The following GREP1 variants were observed in gnomAD, a reference collection of about 807,000 sequenced individuals.
GREP1 encodes glycine-rich extracellular protein 1.
In GREP1 at chr16:2,991,355, G is replaced by T; in HGVS notation, c.322+254G>T. On this transcript the variant is annotated intron_variant, in intron 8 of 34. Coordinates refer to ENST00000573315, the Ensembl canonical transcript of GREP1. The surrounding 1 kb of genome is among the most constrained non-coding windows in gnomAD (Gnocchi z 4.9). Reference sequence around the variant, plus strand: ...CAAGCCTGCCCACCCCACCGCTCATGGCCCTCACCAATGTCTCCCCAGGAT... The same window carrying T: ...CAAGCCTGCCCACCCCACCGCTCATTGCCCTCACCAATGTCTCCCCAGGAT... The T allele has an allele frequency of 2.7e-6, 1 of 370,218 alleles. No homozygotes were observed. The highest frequency in any genetic ancestry group is 4.6e-5 in the Admixed American group (1 of 21,722). 22.9% of individuals were successfully genotyped at this position (370,218 alleles called of 1,614,324 possible). A position where few individuals can be genotyped will look rare whatever the true frequency, so the allele number is the denominator to read the frequency against.
In GREP1 at chr16:2,989,359, T is replaced by G. The variant is rs2072387249; in HGVS notation, c.101-164T>G. 2.5e-6 allele frequency: 1 copy of G among 397,428 alleles called. No homozygotes were observed. The highest frequency in any genetic ancestry group is 2.1e-5 in the African/African-American group (1 of 48,584). 24.6% of individuals were successfully genotyped at this position (397,428 alleles called of 1,614,324 possible). On this transcript the variant is annotated intron_variant, in intron 2 of 34. Coordinates refer to ENST00000573315, the Ensembl canonical transcript of GREP1. The surrounding 1 kb of genome is among the most constrained non-coding windows in gnomAD (Gnocchi z 4.2). The stretch of plus-strand genomic sequence containing the variant: ...AGGTGGCATCCAGATTTGGGCCCCT[T>G]TGTCCCCTTGTAAGTTCCCCTGCTT...
intron 7 of GREP1, 59 bp downstream of exon 6, chr16:2,990,646 C>T (rs1312275214): frequency 2.0e-5 from 8 of 398,978 alleles, no homozygotes; most frequent in Admixed American, 8.8e-5. Context: ...TAATCTTTGC[C>T]TGATACTGTG....
At chr16:2,988,809 G>A (rs1167253661) in intron 2 of GREP1, among the ~76,000 whole-genome samples, 187 bp downstream of exon 2, 1 of 152,170 alleles carries the variant, frequency 6.6e-6, no homozygotes, top group Non-Finnish European at 1.5e-5. Context: ...TGCACTCTCA[G>A]AAGAGTCTCC....
chr16:2,995,364 C>T, intron 14 of GREP1, 48 bp downstream of exon 15: 1 of 398,872 alleles, frequency 2.5e-6, no homozygotes, highest in Admixed American at 4.4e-5. Context: ...TTCAGAGCCC[C>T]CTTCCCCCTC....
At chr16:2,990,848 G>A (rs2072395067) in intron 7 of GREP1, among the ~76,000 whole-genome samples, 200 bp from the exon 7 acceptor site, 1 of 152,176 alleles carries the variant, frequency 6.6e-6, no homozygotes, top group Admixed American at 6.5e-5. Context: ...TGGCTGTGGA[G>A]CAGGGAGCCC....
rs1343226179 is a variant in GREP1, at chr16:2,992,732, G to A, written c.323-73G>A. On this transcript the variant is annotated intron_variant, in intron 8 of 34. Transcript: ENST00000573315. The surrounding 1 kb of genome is among the most constrained non-coding windows in gnomAD (Gnocchi z 4.9). ...AGGGGTCACGCGAGACAGAAAGGGA[G>A]AGGGCAGGGCTCCAGGCCCCAGCTC... 2.5e-6 allele frequency: 1 copy of A among 398,718 alleles called. No homozygotes were observed. The highest frequency in any genetic ancestry group is 4.4e-6 in the Non-Finnish European group (1 of 226,082). 24.7% of individuals were successfully genotyped at this position (398,718 alleles called of 1,614,324 possible). A position where few individuals can be genotyped will look rare whatever the true frequency, so the allele number is the denominator to read the frequency against.
intron 33 of GREP1, among the ~76,000 whole-genome samples, 196 bp downstream of exon 27, chr16:3,001,023 C>A (rs898441239): frequency 3.3e-5 from 5 of 152,058 alleles, no homozygotes; most frequent in Admixed American, 2.0e-4. Context: ...GGAGGAGAGG[C>A]CAGAAGAGCC....
At position 2,989,222 on chromosome 16, in the gene GREP1, C is replaced by A. The variant is rs2072386647; in HGVS notation, c.101-301C>A. On this transcript the variant is annotated intron_variant, in intron 2 of 34. Transcript: ENST00000573315. The surrounding 1 kb of genome is among the most constrained non-coding windows in gnomAD (Gnocchi z 4.2). Reference sequence around the variant, plus strand: ...GTCCCCCAGAGCCCTGGCTCAGACACCTTCCTCCAGGCCCAGGGGCCCTCT... The same window carrying A: ...GTCCCCCAGAGCCCTGGCTCAGACAACTTCCTCCAGGCCCAGGGGCCCTCT... 2 of 362,426 alleles carry A rather than the reference C, an allele frequency of 5.5e-6. No individual in the cohort carries two copies. The highest frequency in any genetic ancestry group is 4.9e-6 in the Non-Finnish European group (1 of 203,530). The allele number at this position is 362,426 out of a possible 1,614,324, so 22.5% of individuals were successfully genotyped here.
rs1289878590 is a variant in GREP1 at position 2,988,970 on chromosome 16, AG to A, written c.100+350del. On this transcript the variant is annotated intron_variant, in intron 2 of 34. Transcript: ENST00000573315. ...AGGAGAACTGAGCCTGCTGAGGGGC[AG>A]GAGGTGGAGTGTCATGGAAGAGTCT... The A allele has an allele frequency of 1.6e-5, 5 of 307,970 alleles. No homozygotes were observed. In the Admixed American group the frequency reaches 2.5e-4, roughly 16 times the overall value. The allele number at this position is 307,970 out of a possible 1,614,324, so 19.1% of individuals were successfully genotyped here. A position where few individuals can be genotyped will look rare whatever the true frequency, so the allele number is the denominator to read the frequency against.
intron 7 of GREP1, among the ~76,000 whole-genome samples, 159 bp from the exon 7 acceptor site, chr16:2,990,889 C>T (rs902606575): frequency 5.9e-5 from 9 of 152,178 alleles, no homozygotes; most frequent in Non-Finnish European, 1.0e-4. Context: ...CTTCATCTGC[C>T]CATCTCTCTT....
Position 2,995,329 on chromosome 16 carries a change from C to T in GREP1, c.517+13C>T, listed in dbSNP as rs1480391410. ...GCACAGGAGCCAGGTAAGCCTGGCT[C>T]TCCCGGGCTTCTGTCTCCCCAGTGT... On this transcript the variant is annotated intron_variant, in intron 14 of 34. Coordinates refer to ENST00000573315, the Ensembl canonical transcript of GREP1. 1.3e-5 allele frequency: 5 copies of T among 398,986 alleles called. No homozygotes were observed. The highest frequency in any genetic ancestry group is 2.2e-5 in the Non-Finnish European group (5 of 226,056). The allele number at this position is 398,986 out of a possible 1,614,324, so 24.7% of individuals were successfully genotyped here.
At chr16:2,995,579 C>T in intron 15 of GREP1, 40 bp from the exon 16 acceptor site, 1 of 398,794 alleles carries the variant, frequency 2.5e-6, no homozygotes, top group East Asian at 3.6e-5. Context: ...TCCACCTCAA[C>T]CAAACCCCAA....
Position 2,989,706 on chromosome 16 carries a change from C to A in GREP1, c.130+154C>A, listed in dbSNP as rs115713097. Among the ~76,000 whole-genome samples, 931 of 152,080 alleles carry A rather than the reference C, an allele frequency of 6.1e-3. 12 individuals are homozygous for A. Among genetic ancestry groups the A allele is most frequent in the African/African-American group, 0.021 (886 of 41,464 alleles). On this transcript the variant is annotated intron_variant, in intron 3 of 34. Transcript: ENST00000573315. The surrounding 1 kb of genome is among the most constrained non-coding windows in gnomAD (Gnocchi z 4.2). The stretch of plus-strand genomic sequence containing the variant: ...GGGACAGAGCATAGCCCCAGAGTGT[C>A]CCCCAGGCACCCTGGCTGGGGAGAG...
At chr16:2,996,622 G>C in intron 19 of GREP1, 51 bp from the exon 19 acceptor site, 1 of 399,154 alleles carries the variant, frequency 2.5e-6, no homozygotes, top group Non-Finnish European at 4.4e-6. Flanking sequence ...CTGGGGTCTG[G>C]GGATCAGCAG....
chr16:2,994,191 A>C (rs2072412879), intron 10 of GREP1: 1 of 152,212 alleles, frequency 6.6e-6, no homozygotes, highest in East Asian at 1.9e-4. Flanking sequence ...AGTTTTGAAC[A>C]AAGAAGGTAC....
At chr16:2,998,737 C>A (rs569645308) in intron 25 of GREP1, 111 bp from the exon 24 acceptor site, 21 of 398,542 alleles carry the variant, frequency 5.3e-5, no homozygotes, top group Admixed American at 1.3e-4. Flanking sequence ...GCTGGGTCTG[C>A]CCTAGAAGCC....
exon 35 of GREP1, chr16:3,001,966 T>C: frequency 4.1e-6 from 1 of 242,050 alleles, no homozygotes. Flanking sequence ...ACTTCATTCT[T>C]TGTGTTTTCA....
At chr16:2,995,794 T>C in intron 17 of GREP1, 23 bp downstream of exon 17, 2 of 398,606 alleles carry the variant, frequency 5.0e-6, no homozygotes, top group Non-Finnish European at 8.8e-6. Context: ...CGCCCTGGTC[T>C]GCCTCTCTAT....
intron 13 of GREP1, 94 bp from the exon 15 acceptor site, chr16:2,995,190 G>T: frequency 2.5e-6 from 1 of 398,416 alleles, no homozygotes; most frequent in Non-Finnish European, 4.4e-6. Context: ...GTCCTGAGGG[G>T]GATGGGAGGA....
Sources: gnomAD v4.1 joint callset for allele counts (sites outside exome capture counted in the v4.1 genomes callset) on GRCh38, gnomAD v4.1.1 for gene constraint, Gnocchi (gnomAD v3.1) non-coding constraint, MANE v1.5 for transcripts, NCBI Gene and HGNC (gene_info 2026-07-23, HGNC 2026-07-21) for gene names.